Variants in NPSR1 observed in about 807,000 individuals in gnomAD.
The protein encoded by NPSR1 is neuropeptide S receptor 1.
NPSR1 carries 48 observed loss-of-function variants against 46.9 expected under a neutral mutation model. The ratio of observed to expected loss-of-function variants is 1.02; its 90% CI spans 0.81 to 1.30. The LOEUF is 1.30. Ranked by LOEUF, NPSR1 falls within the 50% of genes most tolerant of loss-of-function variation. The pLI, the probability that NPSR1 is intolerant of heterozygous loss-of-function variation, is 0.00. For synonymous variants in NPSR1, 176 were observed against 168.1 expected (o/e 1.05, Z -0.36); for missense variants, 450 against 449.5 (o/e 1.00, Z -0.01).
At chr7:34,822,609 T>A (rs1177445331) in intron 4 of NPSR1, among the ~76,000 whole-genome samples, 2 of 152,312 alleles carry the variant, frequency 1.3e-5, no homozygotes, top group East Asian at 3.9e-4. Flanking sequence ...ATTAAAACAA[T>A]GCTGGAACCA....
chr7:34,798,864 C>G (rs1788325694), intron 3 of NPSR1, among the ~76,000 whole-genome samples: 1 of 152,028 alleles, frequency 6.6e-6, no homozygotes, highest in Non-Finnish European at 1.5e-5. Flanking sequence ...CAACACACTT[C>G]TAAGTAATAA....
chr7:34,856,919 A>G (rs1485086023), intron 8 of NPSR1, among the ~76,000 whole-genome samples: 1 of 151,258 alleles, frequency 6.6e-6, no homozygotes, highest in Non-Finnish European at 1.5e-5. Context: ...ATGGGGGGGG[A>G]AATCTCTTCT....
chr7:34,661,794 G>A (rs1791465079), intron 1 of NPSR1, among the ~76,000 whole-genome samples: 1 of 152,140 alleles, frequency 6.6e-6, no homozygotes, highest in Admixed American at 6.5e-5. Flanking sequence ...CCAGTTTTGT[G>A]TGCTTTTAAG....
chr7:34,838,384 A>G (rs17200455), intron 6 of NPSR1, among the ~76,000 whole-genome samples: 25,051 of 152,162 alleles, frequency 0.16, 2,288 homozygotes, highest in Non-Finnish European at 0.21. Flanking sequence ...TTCAGTTACC[A>G]TTAGTGACCT....
chr7:34,848,479 C>T lies in NPSR1; in HGVS notation c.845-4C>T, dbSNP rs779579013. On this transcript the variant is annotated splice_polypyrimidine_tract_variant and splice_region_variant and intron_variant, in intron 7 of 8. Coordinates refer to ENST00000360581, the MANE Select transcript of NPSR1 (RefSeq NM_207172.2). ...GTGATGCTAATGGCTCTCTTCTCCC[C>T]CAGCCTTCATCTGCTGTTGGAGTCC... is the stretch of plus-strand genomic sequence containing the variant. 3.1e-6 allele frequency: 5 copies of T among 1,613,704 alleles called. No homozygotes were observed. The African/African-American group carries it at 4.0e-5, about 13-fold the overall frequency.
chr7:34,877,112 C>T (rs1168140181), intron 8 of NPSR1, among the ~76,000 whole-genome samples: 1 of 152,150 alleles, frequency 6.6e-6, no homozygotes, highest in African/African-American at 2.4e-5. Flanking sequence ...AAGATGGGGC[C>T]ACCAAGATGA....
chr7:34,769,695 T>G (rs1321766191), intron 2 of NPSR1, among the ~76,000 whole-genome samples: 2 of 152,228 alleles, frequency 1.3e-5, no homozygotes, highest in East Asian at 1.9e-4. Flanking sequence ...TATTGCCCCA[T>G]TCTTGACTTC....
chr7:34,797,040 T>C (rs1788204867), intron 3 of NPSR1, among the ~76,000 whole-genome samples: 1 of 152,178 alleles, frequency 6.6e-6, no homozygotes. Context: ...ACGTGTCTCA[T>C]GCAAAGACAT....
rs190727048 is a variant in NPSR1 at position 34,843,032 on chromosome 7, C to T, written c.758-1864C>T. Among the ~76,000 whole-genome samples the T allele has an allele frequency of 2.1e-3, 318 of 152,268 alleles. 2 individuals carry two copies. Among genetic ancestry groups the T allele is most frequent in the Middle Eastern group, 0.01 (3 of 294 alleles). ...CCTCTCCTATTCCCACGCTGCACCC[C>T]GCCTTTGTCTTGGAATCCTTCTTAT... is the stretch of plus-strand genomic sequence containing the variant. On this transcript the variant is annotated intron_variant, in intron 6 of 8. Coordinates refer to ENST00000360581, the MANE Select transcript of NPSR1 (RefSeq NM_207172.2).
chr7:34,824,917 C>G (rs1789749435), intron 4 of NPSR1, among the ~76,000 whole-genome samples: 1 of 152,078 alleles, frequency 6.6e-6, no homozygotes, highest in Admixed American at 6.5e-5. Flanking sequence ...CCTCTTCATC[C>G]CACCCTGCTT....
Position 34,790,855 on chromosome 7 carries a change from TTA to T in NPSR1, c.384+12292_384+12293del, listed in dbSNP as rs538559086. Among the ~76,000 whole-genome samples, 223 of 127,448 alleles carry T rather than the reference TTA, an allele frequency of 1.7e-3. 13 individuals are homozygous for T. The highest frequency in any genetic ancestry group is 6.4e-3 in the African/African-American group (204 of 31,846). The allele number at this position is 127,448 out of a possible 152,430, so 83.6% of individuals were successfully genotyped here. On this transcript the variant is annotated intron_variant, in intron 3 of 8. Coordinates refer to ENST00000360581, the MANE Select transcript of NPSR1 (RefSeq NM_207172.2). ...TGTTATGTTATATATATGTTATATG[TTA>T]TGTTATATATGTTATATGTTATATT...
At chr7:34,767,193 T>C (rs373349084) in intron 2 of NPSR1, among the ~76,000 whole-genome samples, 2 of 152,350 alleles carry the variant, frequency 1.3e-5, no homozygotes, top group African/African-American at 4.8e-5. Context: ...ATTATACCAA[T>C]GTCAATTTCC....
intron 6 of NPSR1, among the ~76,000 whole-genome samples, chr7:34,841,402 C>T (rs1195879662): frequency 6.6e-6 from 1 of 152,210 alleles, no homozygotes; most frequent in African/African-American, 2.4e-5. Context: ...CATGTGTCCC[C>T]ATTAGGGATA....
At chr7:34,681,108 A>T (rs1792610330) in intron 1 of NPSR1, among the ~76,000 whole-genome samples, 1 of 152,014 alleles carries the variant, frequency 6.6e-6, no homozygotes, top group Non-Finnish European at 1.5e-5. Context: ...TCTTGACACA[A>T]TCCTTTGGGA....
intron 4 of NPSR1, among the ~76,000 whole-genome samples, chr7:34,812,852 C>G (rs1167781222): frequency 6.6e-6 from 1 of 152,150 alleles, no homozygotes; most frequent in Non-Finnish European, 1.5e-5. Context: ...AAAATCCAAA[C>G]TGTAGAAAAC....
chr7:34,751,846 A>G, intron 2 of NPSR1: 2 of 1,581,842 alleles, frequency 1.3e-6, no homozygotes, highest in Non-Finnish European at 1.7e-6. Context: ...GGTCACTGCC[A>G]CCTCTTTGAA....
At chr7:34,864,158 T>C (rs1791253470) in intron 8 of NPSR1, among the ~76,000 whole-genome samples, 1 of 151,620 alleles carries the variant, frequency 6.6e-6, no homozygotes, top group Non-Finnish European at 1.5e-5. Flanking sequence ...CACTCCTAAG[T>C]GTCAGTTGAA....
intron 6 of NPSR1, among the ~76,000 whole-genome samples, chr7:34,838,947 G>C (rs1038212474): frequency 6.6e-6 from 1 of 152,132 alleles, no homozygotes; most frequent in Non-Finnish European, 1.5e-5. Context: ...TCATGGCTTG[G>C]TGGATATGAT....
chr7:34,778,060 A>G (rs771913967), intron 2 of NPSR1, among the ~76,000 whole-genome samples: 10 of 152,182 alleles, frequency 6.6e-5, no homozygotes, highest in Non-Finnish European at 1.2e-4. Flanking sequence ...TGGGTGTAGT[A>G]AGGGGAATTT....
Sources: allele counts gnomAD v4.1 joint callset (sites outside exome capture counted in the v4.1 genomes callset), GRCh38; gene constraint gnomAD v4.1.1; transcripts MANE v1.5; gene names NCBI Gene and HGNC (gene_info 2026-07-23, HGNC 2026-07-21).